Variants in MAP3K3 observed in about 807,000 individuals in gnomAD.
The protein encoded by MAP3K3 is mitogen-activated protein kinase kinase kinase 3.
Under a neutral mutation model 80.9 loss-of-function variants are expected in MAP3K3, and 12 were observed. That is an observed-to-expected ratio of 0.15 (90% CI 0.10 to 0.24). The LOEUF (loss-of-function observed/expected upper bound fraction) is 0.24, where lower values mean the gene tolerates loss of function less well. MAP3K3 is among the 10% of genes least tolerant of loss of function. The probability of loss-of-function intolerance (pLI) is 1.00; values close to 1 mark genes in which losing one functional copy is unlikely to be tolerated. For synonymous variants in MAP3K3, 272 were observed against 307.1 expected, an observed-to-expected ratio of 0.89 and a Z score of 1.19; for missense variants, 596 against 834.7, an observed-to-expected ratio of 0.71 and a Z score of 3.52.
chr17:63,626,325 T>C (rs1233126630), intron 1 of MAP3K3, among the ~76,000 whole-genome samples: 1 of 152,204 alleles, frequency 6.6e-6, no homozygotes, highest in Non-Finnish European at 1.5e-5. Flanking sequence ...AGCAGAAACA[T>C]GTAAACAATT....
chr17:63,652,510 C>T (rs757017615), intron 3 of MAP3K3, 47 bp from the exon 4 acceptor site: 17 of 1,230,532 alleles, frequency 1.4e-5, no homozygotes, highest in South Asian at 3.6e-5. Context: ...TTAAACCCTA[C>T]GTTTTAAGTA....
chr17:63,674,543 C>G lies in MAP3K3; in HGVS notation c.503-7223C>G, dbSNP rs147667053. 4.6e-5 allele frequency among the ~76,000 whole-genome samples: 7 copies of G among 152,212 alleles called. No individual in the cohort carries two copies. In the East Asian group the frequency reaches 1.4e-3, roughly 29 times the overall value. ...AATTTGTTTTTTGTAGAGATGAGTT[C>G]TCACTATGTTGCCCAGCCTGGTCTT... On this transcript the variant is annotated intron_variant, in intron 6 of 15. Coordinates refer to ENST00000361733, the MANE Select transcript of MAP3K3 (RefSeq NM_002401.5).
In MAP3K3 at chr17:63,657,892, C is replaced by T; in HGVS notation, c.366C>T (p.Ser122=). 6.3e-7 allele frequency: 1 copy of T among 1,592,276 alleles called. No individual in the cohort carries two copies. Among genetic ancestry groups the T allele is most frequent in the African/African-American group, 1.3e-5 (1 of 74,514 alleles). ...AAAGCCTTAGGATATTGCTGTTGTC[C>T]CAGGACAGAAACCATGTAAGTAGCC... ...SMKSLRILLL[S]QDRNHNSSSP... is the part of the protein sequence containing the mutation. Residue 122 remains serine, a synonymous_variant, in exon 5 of 16, where the codon TCC becomes TCT. Transcript: ENST00000361733.
At chr17:63,685,700 A>G (rs2055804031) in intron 8 of MAP3K3, 110 bp downstream of exon 8, 4 of 839,392 alleles carry the variant, frequency 4.8e-6, no homozygotes, top group Non-Finnish European at 4.1e-6. Flanking sequence ...TCATGCTTCT[A>G]GGAAAAGCCT....
chr17:63,691,972 C>T lies in MAP3K3; in HGVS notation c.1474+110C>T. The T allele has an allele frequency of 7.8e-7, 1 of 1,281,866 alleles. No individual in the cohort carries two copies. The highest frequency in any genetic ancestry group is 1.4e-5 in the South Asian group (1 of 72,688). The allele number at this position is 1,281,866 out of a possible 1,614,324, so 79.4% of individuals were successfully genotyped here. On this transcript the variant is annotated intron_variant, in intron 14 of 15. Transcript: ENST00000361733. The surrounding 1 kb of genome is among the most constrained non-coding windows in gnomAD (Gnocchi z 4.8). The stretch of plus-strand genomic sequence containing the variant: ...ATTCTGAACTTTCTGAAAAGTGGGA[C>T]CCCAGTTGTTTCCCTGAGGAACTGG...
At position 63,681,912 on chromosome 17, in the gene MAP3K3, G is replaced by A; in HGVS notation, c.636+13G>A. The A allele has an allele frequency of 1.4e-6, 2 of 1,389,728 alleles. No homozygotes were observed. Among genetic ancestry groups the A allele is most frequent in the Non-Finnish European group, 1.9e-6 (2 of 1,057,750 alleles). 86.1% of individuals were successfully genotyped at this position (1,389,728 alleles called of 1,614,324 possible). A position where few individuals can be genotyped will look rare whatever the true frequency, so the allele number is the denominator to read the frequency against. On this transcript the variant is annotated intron_variant, in intron 7 of 15. Transcript: ENST00000361733. ...CAGCGAGCAGTGCGTGAGTATAGGG[G>A]GGCTGGGATATGCCTGTGGCCTGTA... is the stretch of plus-strand genomic sequence containing the variant.
chr17:63,674,287 A>G (rs2035171497), intron 6 of MAP3K3, among the ~76,000 whole-genome samples: 1 of 152,024 alleles, frequency 6.6e-6, no homozygotes, highest in African/African-American at 2.4e-5. Context: ...TGGACCTGCC[A>G]GTTGCAGTGG....
Position 63,695,774 on chromosome 17 carries a change from G to T in MAP3K3, c.*1997G>T, listed in dbSNP as rs1025953919. Reference sequence around the variant, plus strand: ...ACCCCCTGGGGTCTTACCTCACTGGGAATGTGTTTTGAAAATGAATTTGAA... The same window carrying T: ...ACCCCCTGGGGTCTTACCTCACTGGTAATGTGTTTTGAAAATGAATTTGAA... On this transcript the variant is annotated 3_prime_UTR_variant, in exon 16 of 16. Coordinates refer to ENST00000361733, the MANE Select transcript of MAP3K3 (RefSeq NM_002401.5). This position sits in a 1 kb window ranked among gnomAD's most constrained non-coding sequence, Gnocchi z 4.1. 11 of 152,558 alleles carry T rather than the reference G, an allele frequency of 7.2e-5. No homozygotes were observed. The highest frequency in any genetic ancestry group is 1.2e-4 in the Non-Finnish European group (8 of 68,046). 9.5% of individuals were successfully genotyped at this position (152,558 alleles called of 1,614,324 possible). A position where few individuals can be genotyped will look rare whatever the true frequency, so the allele number is the denominator to read the frequency against.
intron 6 of MAP3K3, among the ~76,000 whole-genome samples, chr17:63,672,003 C>G (rs1329922492): frequency 6.6e-6 from 1 of 151,632 alleles, no homozygotes; most frequent in African/African-American, 2.4e-5. Context: ...AAAAATGAGG[C>G]CAGGTTTGGT....
chr17:63,647,893 G>A (rs192480663), intron 3 of MAP3K3, among the ~76,000 whole-genome samples: 258 of 152,316 alleles, frequency 1.7e-3, no homozygotes, highest in Admixed American at 2.8e-3. Context: ...GAATTCACAG[G>A]AAAGAGGAAA....
chr17:63,690,118 T>C, intron 11 of MAP3K3, 146 bp from the exon 12 acceptor site: 2 of 924,784 alleles, frequency 2.2e-6, no homozygotes, highest in Non-Finnish European at 3.3e-6. Context: ...CTGGGCTTGC[T>C]CCAGATTGTG....
intron 5 of MAP3K3, among the ~76,000 whole-genome samples, chr17:63,665,116 A>G (rs1191686516): frequency 1.3e-5 from 2 of 152,040 alleles, no homozygotes. Context: ...CAGCCTGACC[A>G]ACATGGAGAA....
intron 6 of MAP3K3, among the ~76,000 whole-genome samples, chr17:63,668,887 G>A (rs2035048886): frequency 6.6e-6 from 1 of 152,192 alleles, no homozygotes; most frequent in South Asian, 2.1e-4. Context: ...AAGAGCAAGG[G>A]TGGCTGGAGC....
At chr17:63,654,333 T>TTTTTTTTTTTTTTTTTGAGACGGA (rs1299210909) in intron 4 of MAP3K3, among the ~76,000 whole-genome samples, 30 of 150,488 alleles carry the variant, frequency 2.0e-4, no homozygotes, top group African/African-American at 5.4e-4. Context: ...TGACCTTTTT[T>TTTTTTTTTTTTTTTTTGAGACGGA]GTCTGGCTTC....
Position 63,688,667 on chromosome 17 carries a change from TTC to T in MAP3K3, c.778+75_778+76del. Reference sequence around the variant, plus strand: ...GCCTCAGGTGGCTCTGCTTCGACTTTTCTGAGTCAGTAGCTCTCCTTGGGCTT... The same window carrying T: ...GCCTCAGGTGGCTCTGCTTCGACTTTTGAGTCAGTAGCTCTCCTTGGGCTT... On this transcript the variant is annotated intron_variant, in intron 9 of 15. Coordinates refer to ENST00000361733, the MANE Select transcript of MAP3K3 (RefSeq NM_002401.5). The T allele has an allele frequency of 2.0e-6, 3 of 1,492,794 alleles. No homozygotes were observed. The Admixed American group carries it at 5.0e-5, about 25-fold the overall frequency. The allele number at this position is 1,492,794 out of a possible 1,614,324, so 92.5% of individuals were successfully genotyped here.
At chr17:63,649,619 G>A (rs1360486686) in intron 3 of MAP3K3, among the ~76,000 whole-genome samples, 2 of 152,126 alleles carry the variant, frequency 1.3e-5, no homozygotes, top group Admixed American at 1.3e-4. Flanking sequence ...TTTTGCCCAG[G>A]CTGGTTTCAA....
At position 63,692,143 on chromosome 17, in the gene MAP3K3, C is replaced by T; in HGVS notation, c.1475-99C>T. The T allele has an allele frequency of 5.8e-6, 8 of 1,383,260 alleles. No individual in the cohort carries two copies. Among genetic ancestry groups the T allele is most frequent in the Non-Finnish European group, 8.1e-6 (8 of 986,146 alleles). 85.7% of individuals were successfully genotyped at this position (1,383,260 alleles called of 1,614,324 possible). A position where few individuals can be genotyped will look rare whatever the true frequency, so the allele number is the denominator to read the frequency against. On this transcript the variant is annotated intron_variant, in intron 14 of 15. Transcript: ENST00000361733. This position sits in a 1 kb window ranked among gnomAD's most constrained non-coding sequence, Gnocchi z 4.5. ...AGTTCATGTCTAATTCAGTGGTAGC[C>T]CTGCCCTCTCCAGCAGCTCTCAGTG...
chr17:63,661,964 G>A lies in MAP3K3; in HGVS notation c.381+4057G>A, dbSNP rs184781511. On this transcript the variant is annotated intron_variant, in intron 5 of 15. Coordinates refer to ENST00000361733, the MANE Select transcript of MAP3K3 (RefSeq NM_002401.5). Reference sequence around the variant, plus strand: ...AAAAAATACAAAAAATTAGCTGGGCGTGGTGGCAGGTGCCTGTAGTCCCAG... The same window carrying A: ...AAAAAATACAAAAAATTAGCTGGGCATGGTGGCAGGTGCCTGTAGTCCCAG... Among the ~76,000 whole-genome samples the A allele has an allele frequency of 2.5e-3, 384 of 152,162 alleles. 7 individuals are homozygous for A. Among genetic ancestry groups the A allele is most frequent in the Admixed American group, 0.013 (199 of 15,266 alleles).
At chr17:63,636,894 C>A (rs1275774789) in intron 2 of MAP3K3, 6 of 455,628 alleles carry the variant, frequency 1.3e-5, no homozygotes, top group South Asian at 1.2e-4. Context: ...ACAATGAGAC[C>A]AATATAGCCC....
Sources: allele counts gnomAD v4.1 joint callset (sites outside exome capture counted in the v4.1 genomes callset), GRCh38; gene constraint gnomAD v4.1.1; non-coding constraint Gnocchi (gnomAD v3.1); transcripts MANE v1.5; gene names NCBI Gene and HGNC (gene_info 2026-07-23, HGNC 2026-07-21).